The following CLCF1 variants were observed in gnomAD, a reference collection of about 807,000 sequenced individuals.
CLCF1 encodes the protein cardiotrophin like cytokine factor 1, also known as cardiotrophin-like cytokine factor 1.
CLCF1 carries 10 observed loss-of-function variants against 21.2 expected under a neutral mutation model. The observed-to-expected ratio is 0.47, with a 90% CI of 0.29 to 0.80. The LOEUF is 0.80. CLCF1 is among the 30% of genes least tolerant of loss of function. The pLI, the probability that CLCF1 is intolerant of heterozygous loss-of-function variation, is 0.09. For missense variants in CLCF1, 240 were observed against 293.4 expected, an observed-to-expected ratio of 0.82 and a Z score of 1.33; for synonymous variants, 115 against 120.5, an observed-to-expected ratio of 0.95 and a Z score of 0.30.
chr11:67,369,695 G>T, intron 1 of CLCF1: 1 of 985,464 alleles, frequency 1.0e-6, no homozygotes, highest in South Asian at 4.7e-5. Context: ...GAGACCAAGG[G>T]TCCCAACTGA....
chr11:67,366,661 A>G (rs1862104965), intron 2 of CLCF1, among the ~76,000 whole-genome samples: 1 of 152,018 alleles, frequency 6.6e-6, no homozygotes, highest in Non-Finnish European at 1.5e-5. Flanking sequence ...GGGATAGGCA[A>G]GGGCCCAGGG....
In CLCF1 at chr11:67,365,376, G is replaced by A; in HGVS notation, c.438C>T (p.Ser146=). 3 of 1,613,008 alleles carry A rather than the reference G, an allele frequency of 1.9e-6. No homozygotes were observed. The highest frequency in any genetic ancestry group is 2.5e-6 in the Non-Finnish European group (3 of 1,179,540). The change falls in exon 3 of 3, where the codon AGC becomes AGT. Residue 146 remains serine (S), a synonymous_variant. Transcript: ENST00000312438. This position sits in a 1 kb window ranked among gnomAD's most constrained non-coding sequence, Gnocchi z 5.0. ...FCTSLQGLLG[S]IAGVMAALGY... is the part of the protein sequence containing the mutation. ...CCAGAGCTGCCATGACGCCCGCAAT[G>A]CTGCCCAGCAGGCCCTGGAGGCTGG... is the stretch of plus-strand genomic sequence containing the variant.
chr11:67,367,713 C>T (rs1862144490), intron 1 of CLCF1, 87 bp from the exon 2 acceptor site: 1 of 1,536,220 alleles, frequency 6.5e-7, no homozygotes, highest in African/African-American at 1.4e-5. Flanking sequence ...CTGTCCCCAC[C>T]TTGGGCTGGG....
intron 1 of CLCF1, chr11:67,369,644 C>G (rs1050881320): frequency 2.0e-6 from 2 of 985,320 alleles, no homozygotes; most frequent in African/African-American, 3.5e-5. Flanking sequence ...GCCTTGAGGT[C>G]GCTTTCAGCA....
At chr11:67,370,670 G>A in intron 1 of CLCF1, 1 of 985,242 alleles carries the variant, frequency 1.0e-6, no homozygotes, top group African/African-American at 1.7e-5. Flanking sequence ...TGGCCACCCA[G>A]ACAGCTGCAC....
chr11:67,373,285 C>A (rs1269398240), intron 1 of CLCF1, among the ~76,000 whole-genome samples: 2 of 151,806 alleles, frequency 1.3e-5, no homozygotes, highest in Admixed American at 1.3e-4. Flanking sequence ...CCCAGGTCTG[C>A]GATCGTCCGG....
At position 67,373,554 on chromosome 11, in the gene CLCF1, G is replaced by A. The variant is rs765530482; in HGVS notation, c.-15C>T. ...CGGAGGTCCATGGGGCTGGGGCCGGGCCGGCCGGGTGCGGCTCCTCTCCCG... is the reference window on the plus strand; with the variant it reads ...CGGAGGTCCATGGGGCTGGGGCCGGACCGGCCGGGTGCGGCTCCTCTCCCG... On this transcript the variant is annotated 5_prime_UTR_variant, in exon 1 of 3. Transcript: ENST00000312438. 4 of 1,385,100 alleles carry A rather than the reference G, an allele frequency of 2.9e-6. No individual in the cohort carries two copies. Among genetic ancestry groups the A allele is most frequent in the African/African-American group, 1.5e-5 (1 of 66,308 alleles). 85.8% of individuals were successfully genotyped at this position (1,385,100 alleles called of 1,614,324 possible).
At chr11:67,367,361 C>A in intron 2 of CLCF1, 99 bp downstream of exon 2, 1 of 1,583,156 alleles carries the variant, frequency 6.3e-7, no homozygotes. Context: ...AAGAGCCCCT[C>A]CTCACCCCAT....
In CLCF1 at chr11:67,372,535, C is replaced by T. The variant is rs1195358727; in HGVS notation, c.16+989G>A. Among the ~76,000 whole-genome samples, 2 of 151,686 alleles carry T rather than the reference C, an allele frequency of 1.3e-5. No homozygotes were observed. Among genetic ancestry groups the T allele is most frequent in the Admixed American group, 1.3e-4 (2 of 15,274 alleles). On this transcript the variant is annotated intron_variant, in intron 1 of 2. Transcript: ENST00000312438. The surrounding 1 kb of genome is among the most constrained non-coding windows in gnomAD (Gnocchi z 5.9). Reference sequence around the variant, plus strand: ...TGACCTCTCGCTCTGGGACCCCTCCCGGCGCTGCGCCTTCCCCCTGTGTGG... The same window carrying T: ...TGACCTCTCGCTCTGGGACCCCTCCTGGCGCTGCGCCTTCCCCCTGTGTGG...
chr11:67,373,645 C>A, upstream of CLCF1: 1 of 1,264,900 alleles, frequency 7.9e-7, no homozygotes, highest in Middle Eastern at 2.1e-4. Context: ...ATCCGCCAGG[C>A]CCACTCGCAG....
chr11:67,368,772 TGG>T, intron 1 of CLCF1: 1 of 985,188 alleles, frequency 1.0e-6, no homozygotes, highest in African/African-American at 1.7e-5. Context: ...GAGGGTGAGT[TGG>T]AGGGCTGTGA....
intron 1 of CLCF1, chr11:67,367,855 T>A (rs1386479288): frequency 1.0e-6 from 1 of 985,244 alleles, no homozygotes; most frequent in Non-Finnish European, 1.2e-6. Flanking sequence ...TGAGTGTCTA[T>A]CAGTAGATAC....
At chr11:67,371,136 C>T in intron 1 of CLCF1, 1 of 932,538 alleles carries the variant, frequency 1.1e-6, no homozygotes, top group Non-Finnish European at 1.3e-6. Flanking sequence ...AGGGGCGTGT[C>T]CTGACCTACC....
chr11:67,367,636 G>C lies in CLCF1; in HGVS notation c.17-10C>G. ...ATCCCCCACGAGTCCCCTGTGGGCA[G>C]GATGGACGAGAAGCATGAGCGCGGC... On this transcript the variant is annotated splice_polypyrimidine_tract_variant and intron_variant, in intron 1 of 2. Coordinates refer to ENST00000312438, the MANE Select transcript of CLCF1 (RefSeq NM_013246.3). 6 of 1,612,288 alleles carry C rather than the reference G, an allele frequency of 3.7e-6. No homozygotes were observed. Among genetic ancestry groups the C allele is most frequent in the Non-Finnish European group, 5.1e-6 (6 of 1,179,830 alleles).
chr11:67,367,751 G>T, intron 1 of CLCF1, 125 bp from the exon 2 acceptor site: 1 of 1,518,638 alleles, frequency 6.6e-7, no homozygotes, highest in South Asian at 1.2e-5. Flanking sequence ...ACACCAGATG[G>T]GAGGCAGAGG....
In CLCF1 at chr11:67,364,255, A is replaced by C. The variant is rs896925898; in HGVS notation, c.*881T>G. 6.6e-6 allele frequency: 1 copy of C among 152,560 alleles called. No individual in the cohort carries two copies. Among genetic ancestry groups the C allele is most frequent in the African/African-American group, 2.4e-5 (1 of 41,410 alleles). 9.5% of individuals were successfully genotyped at this position (152,560 alleles called of 1,614,324 possible). A position where few individuals can be genotyped will look rare whatever the true frequency, so the allele number is the denominator to read the frequency against. On this transcript the variant is annotated 3_prime_UTR_variant, in exon 3 of 3. Coordinates refer to ENST00000312438, the MANE Select transcript of CLCF1 (RefSeq NM_013246.3). ...ATAAATAACATCTCCAAATAAATAAATATTAATACAACACACTTAGAGTCA... is the reference window on the plus strand; with the variant it reads ...ATAAATAACATCTCCAAATAAATAACTATTAATACAACACACTTAGAGTCA...
rs142875118 is a variant in CLCF1 at position 67,365,426 on chromosome 11, G to T, written c.388C>A (p.Arg130Ser). Reference sequence around the variant, plus strand: ...GTGCAGAAGTGGGCCAGGCTGCGGCGCAGCTCAGCAGTGGCAGCCTGACGG... The same window carrying T: ...GTGCAGAAGTGGGCCAGGCTGCGGCTCAGCTCAGCAGTGGCAGCCTGACGG... ...LNRQAATAEL[R>S]RSLAHFCTSL... The change falls in exon 3 of 3, where the codon CGC (arginine) becomes AGC (serine). Residue 130 changes from arginine to serine, a missense_variant. Arg to Ser is a moderately radical substitution (Grantham distance 110). Coordinates refer to ENST00000312438, the MANE Select transcript of CLCF1 (RefSeq NM_013246.3). The surrounding 1 kb of genome is among the most constrained non-coding windows in gnomAD (Gnocchi z 5.0). 3.1e-6 allele frequency: 5 copies of T among 1,613,730 alleles called. No individual in the cohort carries two copies. In the East Asian group the frequency reaches 1.1e-4, roughly 36 times the overall value.
Position 67,372,983 on chromosome 11 carries a change from C to G in CLCF1, c.16+541G>C, listed in dbSNP as rs1046627397. 6.6e-6 allele frequency among the ~76,000 whole-genome samples: 1 copy of G among 150,620 alleles called. No individual in the cohort carries two copies. Among genetic ancestry groups the G allele is most frequent in the African/African-American group, 2.4e-5 (1 of 41,190 alleles). On this transcript the variant is annotated intron_variant, in intron 1 of 2. Coordinates refer to ENST00000312438, the MANE Select transcript of CLCF1 (RefSeq NM_013246.3). The surrounding 1 kb of genome is among the most constrained non-coding windows in gnomAD (Gnocchi z 5.9). ...CCGTCCGGCCCGGCCCAGCCAGGCT[C>G]GGCGCTGCCCTCCGCCCTCCTCTCC...
chr11:67,369,718 G>A, intron 1 of CLCF1: 1 of 985,462 alleles, frequency 1.0e-6, no homozygotes, highest in Non-Finnish European at 1.2e-6. Flanking sequence ...CCGGAGCTGG[G>A]AGCTAGGCTT....
Sources: allele counts gnomAD v4.1 joint callset (sites outside exome capture counted in the v4.1 genomes callset), GRCh38; gene constraint gnomAD v4.1.1; non-coding constraint Gnocchi (gnomAD v3.1); transcripts MANE v1.5; gene names NCBI Gene and HGNC (gene_info 2026-07-23, HGNC 2026-07-21).